FMN2: variants seen among roughly 807,000 people sequenced by gnomAD.
The protein encoded by FMN2 is formin 2, also known as formin-2.
Under a neutral mutation model 142.3 loss-of-function variants are expected in FMN2, and 51 were observed. The ratio of observed to expected loss-of-function variants is 0.36; its 90% CI spans 0.29 to 0.45. The LOEUF is 0.45. FMN2 is among the 20% of genes least tolerant of loss of function. The pLI is 1.00. For missense variants in FMN2, 1,936 were observed against 2,122.8 expected (o/e 0.91, Z 1.73); for synonymous variants, 882 against 869.8 (o/e 1.01, Z -0.25).
At chr1:240,137,531 A>G (rs1662994485) in intron 2 of FMN2, among the ~76,000 whole-genome samples, 3 of 152,146 alleles carry the variant, frequency 2.0e-5, no homozygotes, top group Admixed American at 1.3e-4. Context: ...TAGATAGTAA[A>G]TTTATTCTCT....
chr1:240,288,516 G>A (rs552873961), intron 7 of FMN2, among the ~76,000 whole-genome samples: 4 of 152,258 alleles, frequency 2.6e-5, no homozygotes, highest in African/African-American at 9.6e-5. Flanking sequence ...GGAACAGAGA[G>A]CCATGGGTTA....
rs1675635202 is a variant in FMN2, at chr1:240,441,941, G to A, written c.5060+3731G>A. Among the ~76,000 whole-genome samples the A allele has an allele frequency of 2.0e-5, 3 of 152,070 alleles. No homozygotes were observed. In the South Asian group the frequency reaches 6.2e-4, roughly 31 times the overall value. On this transcript the variant is annotated intron_variant, in intron 16 of 17. Transcript: ENST00000319653. ...CTCTGAATACCTCAAAGCAAAAAGA[G>A]AGAGACAGAGAGAGAGAGAGAAATT...
chr1:240,101,506 GTA>G (rs994094138), intron 1 of FMN2, among the ~76,000 whole-genome samples: 20 of 151,148 alleles, frequency 1.3e-4, no homozygotes, highest in African/African-American at 2.2e-4. Context: ...GTGTGTGTGT[GTA>G]TGTGTGTGTG....
intron 4 of FMN2, among the ~76,000 whole-genome samples, chr1:240,205,294 T>C (rs1197266464): frequency 1.3e-5 from 2 of 152,180 alleles, no homozygotes; most frequent in African/African-American, 4.8e-5. Flanking sequence ...CACATCTGTA[T>C]GAGCAGTAAT....
At chr1:240,452,353 T>C (rs1676089968) in intron 16 of FMN2, among the ~76,000 whole-genome samples, 1 of 151,946 alleles carries the variant, frequency 6.6e-6, no homozygotes, top group Non-Finnish European at 1.5e-5. Flanking sequence ...CAGAAAAAAA[T>C]GGTTCAGAGA....
chr1:240,296,625 T>C (rs955108014), intron 8 of FMN2, among the ~76,000 whole-genome samples: 7 of 151,740 alleles, frequency 4.6e-5, no homozygotes, highest in African/African-American at 1.7e-4. Context: ...CCTTGATCAC[T>C]CCCTTGAGGA....
intron 6 of FMN2, among the ~76,000 whole-genome samples, chr1:240,255,246 T>A (rs1386400225): frequency 6.6e-6 from 1 of 152,186 alleles, no homozygotes; most frequent in Non-Finnish European, 1.5e-5. Flanking sequence ...TGAATTCCAA[T>A]GTTCTCTCTT....
intron 11 of FMN2, 142 bp downstream of exon 11, chr1:240,330,891 A>T: frequency 1.1e-6 from 1 of 933,268 alleles, no homozygotes; most frequent in Non-Finnish European, 1.5e-6. Context: ...AGAAAAAAGT[A>T]ATGTCCATCA....
At chr1:240,361,126 TA>T (rs1395591759) in intron 14 of FMN2, among the ~76,000 whole-genome samples, 1 of 56,370 alleles carries the variant, frequency 1.8e-5, no homozygotes, top group Non-Finnish European at 3.0e-5. Context: ...ATAATAATAA[TA>T]AATAAATATA....
At chr1:240,426,570 T>C (rs1208299666) in intron 15 of FMN2, among the ~76,000 whole-genome samples, 1 of 152,148 alleles carries the variant, frequency 6.6e-6, no homozygotes, top group African/African-American at 2.4e-5. Context: ...TGACCCTCCA[T>C]TTTATCCATC....
At chr1:240,171,972 G>A (rs1050517421) in intron 2 of FMN2, among the ~76,000 whole-genome samples, 1 of 152,132 alleles carries the variant, frequency 6.6e-6, no homozygotes, top group African/African-American at 2.4e-5. Context: ...GATGTGGAGT[G>A]GAGTCATGAA....
chr1:240,160,604 A>G (rs1664238068), intron 2 of FMN2, among the ~76,000 whole-genome samples: 1 of 151,816 alleles, frequency 6.6e-6, no homozygotes, highest in Admixed American at 6.6e-5. Flanking sequence ...TAGAAATAGA[A>G]AACTTGCTTA....
intron 6 of FMN2, among the ~76,000 whole-genome samples, chr1:240,246,216 G>T (rs1468195578): frequency 6.6e-6 from 1 of 152,110 alleles, no homozygotes; most frequent in Non-Finnish European, 1.5e-5. Flanking sequence ...AAAAGTAGAG[G>T]GCCAGCCAGC....
chr1:240,146,734 A>G (rs1041256396), intron 2 of FMN2, among the ~76,000 whole-genome samples: 5 of 152,192 alleles, frequency 3.3e-5, no homozygotes, highest in African/African-American at 9.7e-5. Context: ...AGAGTGCCTG[A>G]TTTACTATTT....
chr1:240,139,594 G>A lies in FMN2; in HGVS notation c.1782+16249G>A, dbSNP rs879495866. 5.9e-4 allele frequency among the ~76,000 whole-genome samples: 90 copies of A among 152,294 alleles called. 1 individual carries two copies. Among genetic ancestry groups the A allele is most frequent in the Non-Finnish European group, 1.3e-3 (86 of 68,018 alleles). On this transcript the variant is annotated intron_variant, in intron 2 of 17. Coordinates refer to ENST00000319653, the MANE Select transcript of FMN2 (RefSeq NM_020066.5). ...AAAAAAACAAGATATTTTTTAAAAAGAAAGAAGGAGTGTTAAGTGATATTC... is the reference window on the plus strand; with the variant it reads ...AAAAAAACAAGATATTTTTTAAAAAAAAAGAAGGAGTGTTAAGTGATATTC...
intron 2 of FMN2, among the ~76,000 whole-genome samples, chr1:240,141,198 T>A (rs1346637374): frequency 1.3e-5 from 2 of 152,156 alleles, no homozygotes; most frequent in Admixed American, 6.5e-5. Flanking sequence ...ATCCTGGACA[T>A]TTTTAGAGAT....
intron 6 of FMN2, among the ~76,000 whole-genome samples, chr1:240,246,034 G>T (rs1183792141): frequency 6.6e-6 from 1 of 152,182 alleles, no homozygotes; most frequent in South Asian, 2.1e-4. Context: ...CAAAAAATTA[G>T]CCGGGCATGG....
At chr1:240,378,227 T>C (rs1207713035) in intron 14 of FMN2, among the ~76,000 whole-genome samples, 2 of 152,168 alleles carry the variant, frequency 1.3e-5, no homozygotes, top group African/African-American at 4.8e-5. Context: ...CTTGGCTCAC[T>C]GCAACCTCCG....
intron 7 of FMN2, among the ~76,000 whole-genome samples, chr1:240,293,122 A>G (rs1219295821): frequency 6.6e-6 from 1 of 152,172 alleles, no homozygotes; most frequent in African/African-American, 2.4e-5. Flanking sequence ...ATGACATTGC[A>G]TGAGATAGAA....
Sources: gnomAD v4.1 joint callset for allele counts (sites outside exome capture counted in the v4.1 genomes callset) on GRCh38, gnomAD v4.1.1 for gene constraint, MANE v1.5 for transcripts, NCBI Gene and HGNC (gene_info 2026-07-23, HGNC 2026-07-21) for gene names.